The following ANXA13 variants were observed in gnomAD, a reference collection of about 807,000 sequenced individuals.
ANXA13 encodes annexin XIII.
ANXA13 carries 36 observed loss-of-function variants against 46.6 expected under a neutral mutation model. The observed-to-expected ratio is 0.77, with a 90% CI of 0.59 to 1.02. ANXA13 has a LOEUF of 1.02. Among genes scored for constraint, ANXA13 ranks in the 50% least tolerant of loss-of-function variants. ANXA13 has a pLI of 0.00. For missense variants in ANXA13, 417 were observed against 396.5 expected, an observed-to-expected ratio of 1.05 and a Z score of -0.44; for synonymous variants, 163 against 152.9, an observed-to-expected ratio of 1.07 and a Z score of -0.49.
chr8:123,700,688 T>C (rs527889454), intron 3 of ANXA13, among the ~76,000 whole-genome samples: 2 of 152,346 alleles, frequency 1.3e-5, no homozygotes, highest in East Asian at 3.9e-4. Context: ...AGAAGCATTG[T>C]ATCCGATTTT....
At chr8:123,682,543 G>A (rs758237921) in intron 10 of ANXA13, among the ~76,000 whole-genome samples, 11 of 152,210 alleles carry the variant, frequency 7.2e-5, no homozygotes, top group Non-Finnish European at 1.5e-4. Flanking sequence ...GCTGAGCTGA[G>A]ACAGTGAGAG....
intron 1 of ANXA13, among the ~76,000 whole-genome samples, chr8:123,717,489 T>C (rs1813778013): frequency 6.6e-6 from 1 of 152,268 alleles, no homozygotes. Context: ...TATGTAGATA[T>C]ATAGGTTTCT....
intron 1 of ANXA13, 60 bp downstream of exon 1, chr8:123,737,260 T>C: frequency 6.6e-6 from 10 of 1,513,394 alleles, no homozygotes; most frequent in Non-Finnish European, 9.2e-6. Flanking sequence ...TTTTATAGTT[T>C]AAATTCTTCC....
At chr8:123,694,107 G>T (rs1049564477) in intron 6 of ANXA13, among the ~76,000 whole-genome samples, 2 of 151,834 alleles carry the variant, frequency 1.3e-5, no homozygotes, top group African/African-American at 2.4e-5. Context: ...CAAAATATCA[G>T]ATTTCACCAC....
chr8:123,711,028 A>G (rs547250790), intron 2 of ANXA13, among the ~76,000 whole-genome samples: 1 of 152,214 alleles, frequency 6.6e-6, no homozygotes, highest in South Asian at 2.1e-4. Flanking sequence ...AAAATCACAC[A>G]ACCATGTGGG....
intron 8 of ANXA13, among the ~76,000 whole-genome samples, chr8:123,692,441 A>C (rs777979887): frequency 1.3e-5 from 2 of 151,966 alleles, no homozygotes; most frequent in Non-Finnish European, 2.9e-5. Context: ...CTGATATTCC[A>C]CTCCAGGCGT....
In ANXA13 at chr8:123,724,791, G is replaced by A. The variant is rs573994424; in HGVS notation, c.16-12038C>T. On this transcript the variant is annotated intron_variant, in intron 1 of 10. Coordinates refer to ENST00000419625, the MANE Select transcript of ANXA13 (RefSeq NM_004306.4). ...TAGTGATAGTGGATCTTTCACACTCGTCTAATCCAGGGGTTGGCAAACTGC... is the reference window on the plus strand; with the variant it reads ...TAGTGATAGTGGATCTTTCACACTCATCTAATCCAGGGGTTGGCAAACTGC... Among the ~76,000 whole-genome samples the A allele has an allele frequency of 4.5e-3, 686 of 152,318 alleles. 5 individuals are homozygous for A. Among genetic ancestry groups the A allele is most frequent in the Non-Finnish European group, 7.6e-3 (516 of 68,016 alleles).
rs1233855334 is a variant in ANXA13 at position 123,684,699 on chromosome 8, C to T, written c.742G>A (p.Asp248Asn). 6.2e-7 allele frequency: 1 copy of T among 1,613,676 alleles called. No homozygotes were observed. Among genetic ancestry groups the T allele is most frequent in the African/African-American group, 1.3e-5 (1 of 74,926 alleles). Residue 248 changes from aspartate to asparagine, a missense_variant, in exon 10 of 11, where the codon GAC (aspartate) becomes AAC (asparagine). Asp to Asn is a conservative substitution (Grantham distance 23). Coordinates refer to ENST00000419625, the MANE Select transcript of ANXA13 (RefSeq NM_004306.4). ...TTGTACAGACGTTCAGCAAAATAGTCCTCACAATCCTGGGCACATCTCACT... is the reference window on the plus strand; with the variant it reads ...TTGTACAGACGTTCAGCAAAATAGTTCTCACAATCCTGGGCACATCTCACT... ...TLVRCAQDCEDYFAERLYKSM... is the reference protein window; with the variant it reads ...TLVRCAQDCENYFAERLYKSM...
chr8:123,730,236 A>G (rs1253123934), intron 1 of ANXA13, among the ~76,000 whole-genome samples: 1 of 152,216 alleles, frequency 6.6e-6, no homozygotes, highest in African/African-American at 2.4e-5. Flanking sequence ...AGCTAAAAGC[A>G]GCACTCAAGT....
chr8:123,710,603 C>A (rs1442541382), intron 2 of ANXA13, among the ~76,000 whole-genome samples: 1 of 152,112 alleles, frequency 6.6e-6, no homozygotes, highest in African/African-American at 2.4e-5. Context: ...CTCAGTCTGT[C>A]CCCACCCCCT....
At chr8:123,712,806 T>A in intron 1 of ANXA13, 53 bp from the exon 2 acceptor site, 3 of 1,537,380 alleles carry the variant, frequency 2.0e-6, no homozygotes, top group Non-Finnish European at 2.7e-6. Flanking sequence ...TCCTAAATGA[T>A]CTCTGGCTAA....
At chr8:123,720,035 C>G (rs971649) in intron 1 of ANXA13, among the ~76,000 whole-genome samples, 10,228 of 152,286 alleles carry the variant, frequency 0.067, 372 homozygotes, top group Non-Finnish European at 0.077. Context: ...TTTGTAAACT[C>G]TGAAAGTATT....
At chr8:123,693,590 G>T in intron 7 of ANXA13, 121 bp downstream of exon 7, 2 of 843,780 alleles carry the variant, frequency 2.4e-6, no homozygotes, top group Non-Finnish European at 3.8e-6. Context: ...AAAGATCTAA[G>T]CATATCTTTG....
chr8:123,702,045 T>C (rs1813455834), intron 3 of ANXA13, among the ~76,000 whole-genome samples: 1 of 152,184 alleles, frequency 6.6e-6, no homozygotes, highest in African/African-American at 2.4e-5. Context: ...GAATACAGCA[T>C]AATAATTGAT....
At chr8:123,736,892 AG>A (rs531459947) in intron 1 of ANXA13, among the ~76,000 whole-genome samples, 99 of 128,320 alleles carry the variant, frequency 7.7e-4, no homozygotes, top group African/African-American at 2.9e-3. Context: ...CTTGTAGTCC[AG>A]GCTGGAGTGC....
At chr8:123,689,441 C>G (rs1306015607) in intron 8 of ANXA13, among the ~76,000 whole-genome samples, 1 of 151,842 alleles carries the variant, frequency 6.6e-6, no homozygotes, top group Non-Finnish European at 1.5e-5. Context: ...GACTTAGTCA[C>G]AGTTTGAGTG....
rs191040840 is a variant in ANXA13, at chr8:123,703,652, C to T, written c.92-916G>A. On this transcript the variant is annotated intron_variant, in intron 2 of 10. Transcript: ENST00000419625. Reference sequence around the variant, plus strand: ...ACCCCACCCATACATTTGTTAATCTCAGGAGAGAAGTCTTGATTGAAACCA... The same window carrying T: ...ACCCCACCCATACATTTGTTAATCTTAGGAGAGAAGTCTTGATTGAAACCA... Among the ~76,000 whole-genome samples the T allele has an allele frequency of 4.2e-3, 639 of 152,294 alleles. 3 individuals carry two copies. The highest frequency in any genetic ancestry group is 6.8e-3 in the Middle Eastern group (2 of 294).
At chr8:123,688,474 G>T (rs1813178079) in intron 9 of ANXA13, among the ~76,000 whole-genome samples, 3 of 152,144 alleles carry the variant, frequency 2.0e-5, no homozygotes, top group Admixed American at 6.5e-5. Flanking sequence ...GACTGCAATG[G>T]ATGCTGTGGT....
At chr8:123,713,017 A>G (rs1401743066) in intron 1 of ANXA13, among the ~76,000 whole-genome samples, 2 of 152,166 alleles carry the variant, frequency 1.3e-5, no homozygotes, top group Non-Finnish European at 2.9e-5. Context: ...CCAGCTCTGC[A>G]ATGAGAGATT....
Sources: allele counts gnomAD v4.1 joint callset (sites outside exome capture counted in the v4.1 genomes callset), GRCh38; gene constraint gnomAD v4.1.1; transcripts MANE v1.5; gene names NCBI Gene and HGNC (gene_info 2026-07-23, HGNC 2026-07-21).